The following RC3H2 variants were observed in gnomAD, a reference collection of about 807,000 sequenced individuals.
The protein encoded by RC3H2 is roquin-2.
In RC3H2, 31 loss-of-function variants were observed where a neutral mutation model predicts 133.3. The observed-to-expected ratio is 0.23, with a 90% CI of 0.17 to 0.31. The LOEUF (loss-of-function observed/expected upper bound fraction) is 0.31. RC3H2 is among the 10% of genes least tolerant of loss of function. The pLI is 1.00. For synonymous variants in RC3H2, 517 were observed against 502.2 expected (o/e 1.03, Z -0.40); for missense variants, 1,175 against 1,437.2 (o/e 0.82, Z 2.95).
chr9:122,880,826 G>A, intron 5 of RC3H2, 32 bp from the exon 6 acceptor site: 1 of 1,522,582 alleles, frequency 6.6e-7, no homozygotes, highest in Non-Finnish European at 9.1e-7. Context: ...AATCAGAATT[G>A]GTCTGTGCTT....
intron 9 of RC3H2, chr9:122,874,057 C>A (rs1333691593): frequency 6.6e-6 from 1 of 151,918 alleles, no homozygotes; most frequent in Non-Finnish European, 1.5e-5. Context: ...TTAACACTGC[C>A]TAGGGAAGTC....
At chr9:122,887,318 T>C (rs1024200707) in intron 4 of RC3H2, among the ~76,000 whole-genome samples, 1 of 152,190 alleles carries the variant, frequency 6.6e-6, no homozygotes, top group Non-Finnish European at 1.5e-5. Flanking sequence ...TTCATTATGA[T>C]GTTTAAATTG....
At chr9:122,891,846 T>C (rs1025070175) in intron 3 of RC3H2, among the ~76,000 whole-genome samples, 2 of 152,220 alleles carry the variant, frequency 1.3e-5, no homozygotes, top group Non-Finnish European at 2.9e-5. Context: ...GTGCTAAGTA[T>C]GCAGTGATAA....
Position 122,858,068 on chromosome 9 carries a change from C to A in RC3H2, c.2309G>T (p.Ser770Ile), listed in dbSNP as rs1391967684. 1 of 1,614,094 alleles carries A rather than the reference C, an allele frequency of 6.2e-7. No homozygotes were observed. The highest frequency in any genetic ancestry group is 1.3e-5 in the African/African-American group (1 of 74,942). Residue 770 changes from serine (S) to isoleucine (I), a missense_variant, in exon 13 of 21, where the codon AGT (serine) becomes ATT (isoleucine). By Grantham distance (142) the Ser-to-Ile change is moderately radical (BLOSUM62 -2). Transcript: ENST00000357244. ...PREPCGHLKT[S>I]CEEQIRRKPD... is the part of the protein sequence containing the mutation. ...CTTTCTTCTTATCTGCTCCTCGCAA[C>A]TGGTCTTCAAATGACCACAAGGTTC...
At chr9:122,878,925 T>A (rs973237002) in intron 8 of RC3H2, among the ~76,000 whole-genome samples, 8 of 144,314 alleles carry the variant, frequency 5.5e-5, no homozygotes, top group African/African-American at 2.0e-4. Context: ...ATTTTTGTAT[T>A]TTTTTTTTTT....
At chr9:122,889,595 A>G (rs1268048141) in intron 4 of RC3H2, among the ~76,000 whole-genome samples, 1 of 152,186 alleles carries the variant, frequency 6.6e-6, no homozygotes, top group Non-Finnish European at 1.5e-5. Context: ...TTAAGACAGA[A>G]CATAGATAAC....
chr9:122,902,445 A>G (rs1237705789), intron 1 of RC3H2, among the ~76,000 whole-genome samples: 1 of 152,174 alleles, frequency 6.6e-6, no homozygotes, highest in Admixed American at 6.5e-5. Flanking sequence ...TTCCACTAAC[A>G]TATTTCTTGG....
intron 2 of RC3H2, among the ~76,000 whole-genome samples, chr9:122,893,950 T>G (rs937072651): frequency 2.0e-5 from 3 of 152,090 alleles, no homozygotes; most frequent in African/African-American, 7.2e-5. Flanking sequence ...AATCTGTATT[T>G]TGTAGTGCCG....
At chr9:122,870,843 A>G (rs1831055284) in intron 9 of RC3H2, among the ~76,000 whole-genome samples, 1 of 152,206 alleles carries the variant, frequency 6.6e-6, no homozygotes, top group Admixed American at 6.5e-5. Flanking sequence ...TAAAAGCTCA[A>G]TCCAATTCTT....
chr9:122,879,906 G>T, intron 7 of RC3H2, 33 bp from the exon 8 acceptor site: 4 of 1,611,312 alleles, frequency 2.5e-6, no homozygotes, highest in Non-Finnish European at 3.4e-6. Context: ...TGGGGGTTGG[G>T]GGGGAAGAAT....
chr9:122,904,026 C>T (rs577466785), intron 1 of RC3H2, among the ~76,000 whole-genome samples: 2 of 152,172 alleles, frequency 1.3e-5, no homozygotes, highest in East Asian at 3.9e-4. Flanking sequence ...GACTTTATAC[C>T]ACTGTGGTAT....
intron 10 of RC3H2, among the ~76,000 whole-genome samples, chr9:122,863,635 T>G (rs1830536865): frequency 1.3e-5 from 2 of 152,238 alleles, no homozygotes; most frequent in Admixed American, 1.3e-4. Context: ...TGTATTCATG[T>G]GCCAAAAACA....
chr9:122,889,077 T>C (rs1316578109), intron 4 of RC3H2, among the ~76,000 whole-genome samples: 1 of 152,206 alleles, frequency 6.6e-6, no homozygotes, highest in Non-Finnish European at 1.5e-5. Flanking sequence ...CTTTTTCTTC[T>C]GAATTTTTAG....
rs2251495 is a variant in RC3H2, at chr9:122,880,408, G to C, written c.960+186C>G. On this transcript the variant is annotated intron_variant, in intron 6 of 20. Transcript: ENST00000357244. ...GCTTTTATGCTAGTATCATGTATTT[G>C]TTTCCCTGTTGCATCCCTTTATTTT... is the stretch of plus-strand genomic sequence containing the variant. 5.9e-6 allele frequency: 4 copies of C among 675,510 alleles called. No individual in the cohort carries two copies. The South Asian group carries it at 7.2e-5, about 12-fold the overall frequency. 41.8% of individuals were successfully genotyped at this position (675,510 alleles called of 1,614,324 possible). A position where few individuals can be genotyped will look rare whatever the true frequency, so the allele number is the denominator to read the frequency against.
intron 9 of RC3H2, among the ~76,000 whole-genome samples, chr9:122,870,617 T>C (rs1831045839): frequency 6.6e-6 from 1 of 152,194 alleles, no homozygotes; most frequent in African/African-American, 2.4e-5. Context: ...AGGATCTCAC[T>C]ATGTTGCCTA....
chr9:122,865,264 G>T, intron 10 of RC3H2, 85 bp downstream of exon 10: 1 of 1,132,658 alleles, frequency 8.8e-7, no homozygotes, highest in South Asian at 1.6e-5. Context: ...CTGATTAACC[G>T]GTATTCATCA....
At chr9:122,883,075 G>T in intron 5 of RC3H2, 129 bp downstream of exon 5, 1 of 818,530 alleles carries the variant, frequency 1.2e-6, no homozygotes, top group Non-Finnish European at 1.9e-6. Context: ...AATCAATGCA[G>T]AAGGAAAGTT....
At chr9:122,881,652 C>T (rs1310884008) in intron 5 of RC3H2, among the ~76,000 whole-genome samples, 2 of 152,020 alleles carry the variant, frequency 1.3e-5, no homozygotes, top group East Asian at 1.9e-4. Flanking sequence ...TGTGAAACCA[C>T]TGACTTTTTT....
chr9:122,860,812 T>C (rs1830428312), intron 10 of RC3H2, among the ~76,000 whole-genome samples: 2 of 152,040 alleles, frequency 1.3e-5, no homozygotes, highest in African/African-American at 2.4e-5. Flanking sequence ...ATATAGTCCA[T>C]TAGTGGAACT....
Sources: allele counts gnomAD v4.1 joint callset (sites outside exome capture counted in the v4.1 genomes callset), GRCh38; gene constraint gnomAD v4.1.1; transcripts MANE v1.5; gene names NCBI Gene and HGNC (gene_info 2026-07-23, HGNC 2026-07-21).